AGBL4: variants seen among roughly 807,000 people sequenced by gnomAD.
AGBL4 encodes AGBL carboxypeptidase 4.
In AGBL4, 58 loss-of-function variants were observed where a neutral mutation model predicts 66.4. The ratio of observed to expected loss-of-function variants is 0.87; its 90% confidence interval spans 0.71 to 1.09. The LOEUF is 1.09. Ranked by LOEUF, AGBL4 falls within the 50% of genes least tolerant of loss-of-function variation. The pLI, the probability that AGBL4 is intolerant of heterozygous loss-of-function variation, is 0.00. For synonymous variants in AGBL4, 234 were observed against 222.9 expected, an observed-to-expected ratio of 1.05 and a Z score of -0.44; for missense variants, 579 against 631.0, an observed-to-expected ratio of 0.92 and a Z score of 0.88.
At chr1:49,248,480 A>G (rs1047404071) in intron 3 of AGBL4, among the ~76,000 whole-genome samples, 1 of 152,340 alleles carries the variant, frequency 6.6e-6, no homozygotes. Context: ...GATTAAGTAA[A>G]CTAAAATCAT....
chr1:48,886,269 A>C (rs1650334711), intron 5 of AGBL4, among the ~76,000 whole-genome samples: 2 of 152,182 alleles, frequency 1.3e-5, no homozygotes, highest in Admixed American at 6.5e-5. Flanking sequence ...CAGGTTGTGC[A>C]TGTAGAAAGC....
intron 3 of AGBL4, among the ~76,000 whole-genome samples, chr1:49,296,601 T>G (rs1260768551): frequency 6.6e-6 from 1 of 152,188 alleles, no homozygotes; most frequent in Non-Finnish European, 1.5e-5. Context: ...TAAAATATTT[T>G]TATGTAACAA....
intron 2 of AGBL4, among the ~76,000 whole-genome samples, chr1:49,797,256 A>G (rs1644753335): frequency 6.6e-6 from 1 of 152,190 alleles, no homozygotes; most frequent in Non-Finnish European, 1.5e-5. Context: ...TTAAAGTTGC[A>G]CAAATCAGTG....
chr1:49,147,652 A>G lies in AGBL4; in HGVS notation c.377+98118T>C, dbSNP rs189812133. On this transcript the variant is annotated intron_variant, in intron 4 of 13. Transcript: ENST00000371839. The stretch of plus-strand genomic sequence containing the variant: ...CAGGCCAGCTAACAGTTTGAAGGTC[A>G]TTTACCAAGATGCTTCACACGCATG... 8.7e-4 allele frequency among the ~76,000 whole-genome samples: 132 copies of G among 152,292 alleles called. 1 individual carries two copies. Among genetic ancestry groups the G allele is most frequent in the Middle Eastern group, 3.4e-3 (1 of 294 alleles).
chr1:48,834,759 G>T (rs1424941064), intron 6 of AGBL4, among the ~76,000 whole-genome samples: 2 of 152,168 alleles, frequency 1.3e-5, no homozygotes, highest in Non-Finnish European at 2.9e-5. Context: ...GACAGGCAAA[G>T]AGTTAGGAAA....
chr1:49,589,611 A>G (rs1184504569), intron 3 of AGBL4, among the ~76,000 whole-genome samples: 1 of 152,128 alleles, frequency 6.6e-6, no homozygotes, highest in Non-Finnish European at 1.5e-5. Flanking sequence ...TTAAAATGGA[A>G]ATTATATAAT....
chr1:49,779,341 C>A (rs751527342), intron 2 of AGBL4, among the ~76,000 whole-genome samples: 2 of 152,080 alleles, frequency 1.3e-5, no homozygotes, highest in Non-Finnish European at 2.9e-5. Context: ...TGCAACAGTG[C>A]AAGGAAGAAG....
intron 3 of AGBL4, among the ~76,000 whole-genome samples, chr1:49,490,159 T>C (rs1250904899): frequency 6.6e-6 from 1 of 151,818 alleles, no homozygotes; most frequent in Admixed American, 6.6e-5. Context: ...AATTTGTGGT[T>C]TTAATAGGCA....
intron 4 of AGBL4, among the ~76,000 whole-genome samples, chr1:49,096,036 A>T (rs1390089967): frequency 1.3e-5 from 2 of 152,324 alleles, no homozygotes; most frequent in East Asian, 1.9e-4. Flanking sequence ...AAGGATATGA[A>T]CAGACACTTC....
intron 6 of AGBL4, among the ~76,000 whole-genome samples, chr1:48,805,569 A>T (rs1645904400): frequency 6.6e-6 from 1 of 152,202 alleles, no homozygotes; most frequent in South Asian, 2.1e-4. Flanking sequence ...AAGGTGAAAC[A>T]CACCCTTGGG....
intron 1 of AGBL4, among the ~76,000 whole-genome samples, chr1:49,900,348 C>A (rs138040945): frequency 9.3e-4 from 142 of 152,106 alleles, no homozygotes; most frequent in African/African-American, 3.3e-3. Flanking sequence ...CAGGTTCAAG[C>A]GATTCTCCTG....
chr1:49,974,980 T>C (rs1337022213), intron 1 of AGBL4, among the ~76,000 whole-genome samples: 1 of 152,228 alleles, frequency 6.6e-6, no homozygotes, highest in Non-Finnish European at 1.5e-5. Context: ...TCATACATTA[T>C]ATACATTTTT....
At chr1:48,718,009 G>T (rs1304365309) in intron 6 of AGBL4, among the ~76,000 whole-genome samples, 1 of 152,202 alleles carries the variant, frequency 6.6e-6, no homozygotes, top group African/African-American at 2.4e-5. Flanking sequence ...CTGATTCTAG[G>T]CTGGGGAAAG....
intron 4 of AGBL4, among the ~76,000 whole-genome samples, chr1:49,207,694 T>C (rs542046565): frequency 6.6e-6 from 1 of 151,496 alleles, no homozygotes; most frequent in East Asian, 2.0e-4. Flanking sequence ...CGGGGTCCAG[T>C]GATCCTCCCA....
chr1:49,625,117 T>C (rs1176672172), intron 3 of AGBL4, among the ~76,000 whole-genome samples: 1 of 152,170 alleles, frequency 6.6e-6, no homozygotes, highest in African/African-American at 2.4e-5. Flanking sequence ...ACAATCTCTT[T>C]CCACTTCCCC....
chr1:48,991,090 T>G (rs1660570942), intron 5 of AGBL4, among the ~76,000 whole-genome samples: 4 of 152,192 alleles, frequency 2.6e-5, no homozygotes, highest in Admixed American at 1.3e-4. Flanking sequence ...GATTTCTTAT[T>G]GTTTATTAAC....
rs1662648971 is a variant in AGBL4 at position 50,023,947 on chromosome 1, G to C, written c.-151C>G. The C allele has an allele frequency of 1.2e-6, 1 of 805,516 alleles. No homozygotes were observed. Among genetic ancestry groups the C allele is most frequent in the Admixed American group, 3.7e-5 (1 of 26,890 alleles). The allele number at this position is 805,516 out of a possible 1,614,324, so 49.9% of individuals were successfully genotyped here. ...GGCGGCAGGCGCGCGGGTGGCCGGC[G>C]CGCGGCTGAGGGCGGGAGGGACGCC... On this transcript the variant is annotated 5_prime_UTR_variant, in exon 1 of 14. Coordinates refer to ENST00000371839, the MANE Select transcript of AGBL4 (RefSeq NM_032785.4).
chr1:49,242,806 G>A (rs1388918253), intron 4 of AGBL4, among the ~76,000 whole-genome samples: 4 of 151,852 alleles, frequency 2.6e-5, no homozygotes, highest in Non-Finnish European at 4.4e-5. Context: ...GCTGCTAGAT[G>A]TCTCCTCAAG....
At chr1:48,547,319 C>T (rs192998443) in intron 11 of AGBL4, among the ~76,000 whole-genome samples, 3 of 152,110 alleles carry the variant, frequency 2.0e-5, no homozygotes, top group South Asian at 2.1e-4. Flanking sequence ...AAAGGGAGGT[C>T]CCAGCTGTAC....
Sources: gnomAD v4.1 joint callset for allele counts (sites outside exome capture counted in the v4.1 genomes callset) on GRCh38, gnomAD v4.1.1 for gene constraint, MANE v1.5 for transcripts, NCBI Gene and HGNC (gene_info 2026-07-23, HGNC 2026-07-21) for gene names.